The following TMEM132D variants were observed in gnomAD, a reference collection of about 807,000 sequenced individuals.
TMEM132D encodes mature OL transmembrane protein.
Under a neutral mutation model 62.3 loss-of-function variants are expected in TMEM132D, and 21 were observed. That is an observed-to-expected ratio of 0.34 (90% CI 0.24 to 0.49). The LOEUF (loss-of-function observed/expected upper bound fraction) is 0.49, where lower values mean the gene tolerates loss of function less well. Ranked by LOEUF, TMEM132D falls within the 20% of genes least tolerant of loss-of-function variation. The pLI is 0.99. For synonymous variants in TMEM132D, 621 were observed against 575.6 expected, an observed-to-expected ratio of 1.08 and a Z score of -1.13; for missense variants, 1,346 against 1,402.8, an observed-to-expected ratio of 0.96 and a Z score of 0.65.
chr12:129,598,811 C>T (rs1052903271), intron 2 of TMEM132D, among the ~76,000 whole-genome samples: 2 of 152,108 alleles, frequency 1.3e-5, no homozygotes, highest in African/African-American at 2.4e-5. Context: ...TCTCTGATAC[C>T]ACAAGCTGTA....
intron 5 of TMEM132D, among the ~76,000 whole-genome samples, chr12:129,093,589 C>A (rs1270444831): frequency 1.3e-5 from 2 of 152,134 alleles, no homozygotes; most frequent in Admixed American, 6.6e-5. Context: ...GAATCAATAT[C>A]GTGAAAATGG....
intron 3 of TMEM132D, among the ~76,000 whole-genome samples, chr12:129,487,259 A>G (rs1388734712): frequency 6.6e-6 from 1 of 152,196 alleles, no homozygotes; most frequent in Non-Finnish European, 1.5e-5. Context: ...GCAGCCCCAG[A>G]TGCCGTCACA....
At chr12:129,664,218 T>C (rs1880316033) in intron 2 of TMEM132D, among the ~76,000 whole-genome samples, 1 of 152,300 alleles carries the variant, frequency 6.6e-6, no homozygotes, top group African/African-American at 2.4e-5. Context: ...CAGCCCTCCT[T>C]GGAAGGGCAG....
intron 2 of TMEM132D, among the ~76,000 whole-genome samples, chr12:129,584,152 G>A (rs116326245): frequency 1.4e-3 from 214 of 151,976 alleles, no homozygotes; most frequent in African/African-American, 5.0e-3. Context: ...AGTTTTTGCT[G>A]AAGGAGTACA....
At chr12:129,114,386 C>CTCCT (rs144038257) in intron 5 of TMEM132D, among the ~76,000 whole-genome samples, 266 of 145,834 alleles carry the variant, frequency 1.8e-3, no homozygotes, top group African/African-American at 6.3e-3. Context: ...CAGTTGGAAA[C>CTCCT]TCCTTCCTTC....
At chr12:129,450,768 T>G (rs1873252984) in intron 3 of TMEM132D, among the ~76,000 whole-genome samples, 1 of 144,584 alleles carries the variant, frequency 6.9e-6, no homozygotes, top group Admixed American at 7.0e-5. Context: ...TTTTTTTTTT[T>G]TTTTTTGAAA....
intron 1 of TMEM132D, among the ~76,000 whole-genome samples, chr12:129,847,799 G>T (rs191928195): frequency 8.5e-5 from 13 of 152,102 alleles, no homozygotes; most frequent in Non-Finnish European, 1.8e-4. Context: ...GGAAAAAAAA[G>T]ATGTCGTGCA....
chr12:129,712,418 C>T (rs1206876360), intron 1 of TMEM132D, among the ~76,000 whole-genome samples: 1 of 152,228 alleles, frequency 6.6e-6, no homozygotes. Flanking sequence ...GCCACTGCAA[C>T]CGATCTTTAT....
intron 2 of TMEM132D, among the ~76,000 whole-genome samples, chr12:129,654,019 T>A (rs1880000502): frequency 6.6e-6 from 1 of 152,198 alleles, no homozygotes; most frequent in Non-Finnish European, 1.5e-5. Context: ...AGGATCTACA[T>A]AGTTTTGAGG....
intron 4 of TMEM132D, among the ~76,000 whole-genome samples, chr12:129,235,970 A>C (rs1034274132): frequency 2.0e-5 from 3 of 152,050 alleles, no homozygotes; most frequent in Admixed American, 1.3e-4. Context: ...TAATTCTTTC[A>C]ATCCATGAAC....
chr12:129,844,338 G>A (rs1247957204), intron 1 of TMEM132D, among the ~76,000 whole-genome samples: 2 of 152,182 alleles, frequency 1.3e-5, no homozygotes, highest in East Asian at 1.9e-4. Flanking sequence ...AAGAAGAGGT[G>A]AGCCTGCAAG....
intron 2 of TMEM132D, among the ~76,000 whole-genome samples, chr12:129,607,430 A>G (rs1206159810): frequency 6.6e-6 from 1 of 152,190 alleles, no homozygotes; most frequent in Non-Finnish European, 1.5e-5. Context: ...GTCAGGGCTG[A>G]CCACCTGCAA....
intron 3 of TMEM132D, among the ~76,000 whole-genome samples, chr12:129,470,471 G>T (rs1874061437): frequency 6.6e-6 from 1 of 152,134 alleles, no homozygotes; most frequent in South Asian, 2.1e-4. Flanking sequence ...ATATACTAGG[G>T]GTTGGGCTTA....
intron 5 of TMEM132D, among the ~76,000 whole-genome samples, chr12:129,108,474 TC>T (rs1328040091): frequency 2.6e-5 from 4 of 152,202 alleles, no homozygotes; most frequent in African/African-American, 9.6e-5. Context: ...GCAGACGATG[TC>T]CCTGGTCCTG....
intron 1 of TMEM132D, among the ~76,000 whole-genome samples, chr12:129,900,413 C>T (rs1015544392): frequency 6.6e-6 from 1 of 152,212 alleles, no homozygotes; most frequent in African/African-American, 2.4e-5. Flanking sequence ...ATTGGCTGCA[C>T]TCAGCTGGAA....
At chr12:129,292,845 A>G (rs144030509) in intron 4 of TMEM132D, among the ~76,000 whole-genome samples, 10 of 152,356 alleles carry the variant, frequency 6.6e-5, no homozygotes, top group African/African-American at 2.4e-4. Flanking sequence ...CCAAAAGTCT[A>G]GAAAAAAGGT....
intron 2 of TMEM132D, among the ~76,000 whole-genome samples, chr12:129,547,365 A>C (rs1876766302): frequency 6.6e-6 from 1 of 152,112 alleles, no homozygotes. Flanking sequence ...CGGCCTCCCA[A>C]GGTGCTGGGA....
Position 129,539,969 on chromosome 12 carries a change from C to T in TMEM132D, c.969-8764G>A, listed in dbSNP as rs768733192. Among the ~76,000 whole-genome samples, 127 of 152,230 alleles carry T rather than the reference C, an allele frequency of 8.3e-4. 3 individuals are homozygous for T. The highest frequency in any genetic ancestry group is 3.4e-3 in the Middle Eastern group (1 of 294). ...TGAGCCAAGCGTGGTGTCAAGTCTC[C>T]GGCCAGGCTGGCTGATGGCTTTGGG... On this transcript the variant is annotated intron_variant, in intron 2 of 8. Coordinates refer to ENST00000422113, the MANE Select transcript of TMEM132D (RefSeq NM_133448.3).
intron 1 of TMEM132D, among the ~76,000 whole-genome samples, chr12:129,835,606 A>T (rs552568425): frequency 2.6e-5 from 4 of 152,298 alleles, no homozygotes; most frequent in Admixed American, 2.6e-4. Flanking sequence ...ATGAGGTTTT[A>T]AAAAATCATG....
Sources: allele counts gnomAD v4.1 joint callset (sites outside exome capture counted in the v4.1 genomes callset), GRCh38; gene constraint gnomAD v4.1.1; transcripts MANE v1.5; gene names NCBI Gene and HGNC (gene_info 2026-07-23, HGNC 2026-07-21).